CLSTN2: variants seen among roughly 807,000 people sequenced by gnomAD.
CLSTN2 encodes calsyntenin 2.
CLSTN2 carries 48 observed loss-of-function variants against 101.2 expected under a neutral mutation model. That is an observed-to-expected ratio of 0.47 (90% CI 0.38 to 0.60). The LOEUF (loss-of-function observed/expected upper bound fraction) is 0.60, where lower values mean the gene tolerates loss of function less well. CLSTN2 is among the 20% of genes least tolerant of loss of function. The pLI is 0.00. For missense variants in CLSTN2, 1,160 were observed against 1,238.2 expected, an observed-to-expected ratio of 0.94 and a Z score of 0.95; for synonymous variants, 481 against 463.6, an observed-to-expected ratio of 1.04 and a Z score of -0.48.
At chr3:140,155,695 T>C (rs1345477877) in intron 1 of CLSTN2, among the ~76,000 whole-genome samples, 1 of 152,176 alleles carries the variant, frequency 6.6e-6, no homozygotes, top group African/African-American at 2.4e-5. Context: ...AATACCCAAG[T>C]TGTCATGATG....
At chr3:140,245,780 T>G (rs1416954258) in intron 2 of CLSTN2, among the ~76,000 whole-genome samples, 2 of 152,202 alleles carry the variant, frequency 1.3e-5, no homozygotes, top group Non-Finnish European at 2.9e-5. Context: ...CCTGCTCTGA[T>G]TCAGAAAGGT....
intron 1 of CLSTN2, among the ~76,000 whole-genome samples, chr3:139,952,988 G>T (rs1935318872): frequency 6.6e-6 from 1 of 152,112 alleles, no homozygotes; most frequent in Non-Finnish European, 1.5e-5. Context: ...AGCTCAGAAT[G>T]GGGAAGGGCC....
At chr3:140,295,016 G>T (rs1191979429) in intron 2 of CLSTN2, among the ~76,000 whole-genome samples, 2 of 152,116 alleles carry the variant, frequency 1.3e-5, no homozygotes, top group African/African-American at 4.8e-5. Context: ...TCACATTGGG[G>T]GTTAAGGTTT....
chr3:140,465,971 A>G (rs1015240621), intron 7 of CLSTN2, among the ~76,000 whole-genome samples: 4 of 152,224 alleles, frequency 2.6e-5, no homozygotes, highest in South Asian at 2.1e-4. Context: ...TTTTCTAAGC[A>G]GGAAAGGAAG....
At chr3:139,971,697 A>G (rs1313548782) in intron 1 of CLSTN2, among the ~76,000 whole-genome samples, 3 of 152,240 alleles carry the variant, frequency 2.0e-5, no homozygotes, top group Non-Finnish European at 4.4e-5. Context: ...GAACCCACAC[A>G]TGGTTGCAGA....
At chr3:140,153,182 C>A (rs2009894528) in intron 1 of CLSTN2, among the ~76,000 whole-genome samples, 1 of 152,246 alleles carries the variant, frequency 6.6e-6, no homozygotes, top group South Asian at 2.1e-4. Context: ...CCTCTCTCAG[C>A]TCCCTTGTGA....
chr3:140,343,966 A>G (rs2087516991), intron 2 of CLSTN2, among the ~76,000 whole-genome samples: 1 of 152,146 alleles, frequency 6.6e-6, no homozygotes, highest in Admixed American at 6.5e-5. Context: ...ATGACTACCC[A>G]AAAGAAGGCA....
intron 2 of CLSTN2, among the ~76,000 whole-genome samples, chr3:140,240,188 A>C (rs1348032749): frequency 5.5e-4 from 5 of 9,150 alleles, no homozygotes; most frequent in East Asian, 0.031. Context: ...ATATATATAT[A>C]TATATATATA....
At chr3:140,487,014 C>A (rs1313715231) in intron 8 of CLSTN2, among the ~76,000 whole-genome samples, 2 of 152,126 alleles carry the variant, frequency 1.3e-5, no homozygotes, top group South Asian at 4.1e-4. Flanking sequence ...ATAGTGTCAG[C>A]CTTGCCTCAG....
At chr3:140,337,141 T>G (rs923155608) in intron 2 of CLSTN2, among the ~76,000 whole-genome samples, 11 of 152,360 alleles carry the variant, frequency 7.2e-5, no homozygotes, top group Non-Finnish European at 1.6e-4. Context: ...AGAGCCTCAG[T>G]AACTGCCCAT....
intron 8 of CLSTN2, among the ~76,000 whole-genome samples, chr3:140,491,357 A>G (rs1934349481): frequency 1.3e-5 from 2 of 152,232 alleles, no homozygotes; most frequent in South Asian, 2.1e-4. Flanking sequence ...AGTGGTATCA[A>G]TTCATTTAAT....
chr3:140,429,751 C>A (rs2088609423), intron 5 of CLSTN2, among the ~76,000 whole-genome samples: 1 of 152,060 alleles, frequency 6.6e-6, no homozygotes, highest in Non-Finnish European at 1.5e-5. Context: ...AGCACTCCCC[C>A]AAAAGTACTA....
intron 1 of CLSTN2, among the ~76,000 whole-genome samples, chr3:139,945,428 A>G (rs1442804332): frequency 6.6e-6 from 1 of 152,238 alleles, no homozygotes; most frequent in African/African-American, 2.4e-5. Context: ...ATATTTAAGA[A>G]ATCTTCGAGG....
At chr3:140,131,181 A>G (rs1197074563) in intron 1 of CLSTN2, among the ~76,000 whole-genome samples, 1 of 151,810 alleles carries the variant, frequency 6.6e-6, no homozygotes, top group Non-Finnish European at 1.5e-5. Flanking sequence ...TCCGGGCTTT[A>G]TTTCTTTGGC....
chr3:140,357,809 C>A (rs945577599), intron 2 of CLSTN2, among the ~76,000 whole-genome samples: 2 of 152,134 alleles, frequency 1.3e-5, no homozygotes, highest in Non-Finnish European at 2.9e-5. Context: ...CCCAGGGTCA[C>A]CAATATGTTC....
At chr3:140,183,801 TAAC>T (rs1197479213) in intron 2 of CLSTN2, among the ~76,000 whole-genome samples, 1 of 152,208 alleles carries the variant, frequency 6.6e-6, no homozygotes, top group African/African-American at 2.4e-5. Context: ...ATCATAATTT[TAAC>T]AACAATCCTC....
chr3:140,511,486 C>A (rs966377653), intron 8 of CLSTN2, among the ~76,000 whole-genome samples: 1 of 150,720 alleles, frequency 6.6e-6, no homozygotes, highest in African/African-American at 2.4e-5. Context: ...CTCCCACCAA[C>A]AGTGTAAAAG....
chr3:140,129,112 G>A (rs1284652732), intron 1 of CLSTN2, among the ~76,000 whole-genome samples: 2 of 152,096 alleles, frequency 1.3e-5, no homozygotes, highest in Non-Finnish European at 1.5e-5. Context: ...CCTGATGTCA[G>A]CATAGAGCTG....
chr3:140,108,995 G>C (rs2107793710), intron 1 of CLSTN2, among the ~76,000 whole-genome samples: 1 of 152,300 alleles, frequency 6.6e-6, no homozygotes, highest in Middle Eastern at 3.4e-3. Context: ...TGCCTCAGAA[G>C]GGTGAAGTAT....
Sources: allele counts gnomAD v4.1 joint callset (sites outside exome capture counted in the v4.1 genomes callset), GRCh38; gene constraint gnomAD v4.1.1; transcripts MANE v1.5; gene names NCBI Gene and HGNC (gene_info 2026-07-23, HGNC 2026-07-21).